CSPG4: variants seen among roughly 807,000 people sequenced by gnomAD.
CSPG4 encodes chondroitin sulfate proteoglycan 4 (melanoma-associated).
Under a neutral mutation model 139.3 loss-of-function variants are expected in CSPG4, and 74 were observed. The ratio of observed to expected loss-of-function variants is 0.53; its 90% CI spans 0.44 to 0.64. CSPG4 has a LOEUF of 0.64. CSPG4 is among the 30% of genes least tolerant of loss of function. CSPG4 has a pLI of 0.00. For synonymous variants in CSPG4, 1,234 were observed against 1,394.2 expected (o/e 0.89, Z 2.56); for missense variants, 2,565 against 3,148.3 (o/e 0.81, Z 4.43).
intron 1 of CSPG4, among the ~76,000 whole-genome samples, chr15:75,708,321 G>C (rs1475631861): frequency 8.7e-6 from 1 of 115,400 alleles, no homozygotes; most frequent in Non-Finnish European, 1.8e-5. Flanking sequence ...TCCCTGATGG[G>C]GCCCACCCCT....
rs557064196 is a variant in CSPG4 at position 75,682,715 on chromosome 15, G to A, written c.4675C>T (p.Arg1559Cys). The A allele has an allele frequency of 1.2e-5, 19 of 1,612,924 alleles. No homozygotes were observed. Among genetic ancestry groups the A allele is most frequent in the East Asian group, 6.7e-5 (3 of 44,890 alleles). Residue 1559 changes from arginine (R) to cysteine (C), a missense_variant, in exon 7 of 10, where the codon CGC (arginine) becomes TGC (cysteine). Coordinates refer to ENST00000308508, the MANE Select transcript of CSPG4 (RefSeq NM_001897.5). ...RGTLDGGFRF[R>C]LSDGEHTSPG... is the part of the protein sequence containing the mutation. ...GAAGTGTGCTCGCCGTCAGAGAGGCGGAAGCGGAAGCCTCCATCCAGGGTT... is the reference window on the plus strand; with the variant it reads ...GAAGTGTGCTCGCCGTCAGAGAGGCAGAAGCGGAAGCCTCCATCCAGGGTT...
chr15:75,685,072 T>TA (rs1185353499), intron 4 of CSPG4, 147 bp downstream of exon 4: 7 of 1,245,054 alleles, frequency 5.6e-6, no homozygotes, highest in Non-Finnish European at 7.9e-6. Context: ...GAAGAAAAGA[T>TA]ATATGGTATT....
intron 1 of CSPG4, among the ~76,000 whole-genome samples, chr15:75,703,521 G>C (rs1894331291): frequency 6.6e-6 from 1 of 152,098 alleles, no homozygotes; most frequent in Non-Finnish European, 1.5e-5. Context: ...AGGGGCTGGA[G>C]ACCCTCCGTT....
At position 75,687,548 on chromosome 15, in the gene CSPG4, G is replaced by A. The variant is rs930788776; in HGVS notation, c.3517C>T (p.Arg1173Cys). Residue 1173 changes from arginine to cysteine, a missense_variant, in exon 3 of 10, where the codon CGC becomes TGC. By Grantham distance (180) the Arg-to-Cys change is radical. Around this residue, in one of 5 missense-constraint regions of CSPG4, gnomAD observed 2,316 missense variants for 2,818.2 expected, o/e 0.82. Transcript: ENST00000308508. This position sits in a 1 kb window ranked among gnomAD's most constrained non-coding sequence, Gnocchi z 5.4. ...EVHYHVTAGP[R>C]WGQLVRAGQP... ...CCAGCCCGGACTAGCTGTCCCCAGC[G>A]AGGGCCAGCTGTGACGTGGTAGTGG... The A allele has an allele frequency of 3.1e-6, 5 of 1,610,946 alleles. No homozygotes were observed. The highest frequency in any genetic ancestry group is 2.2e-5 in the South Asian group (2 of 90,944).
rs1376870325 is a variant in CSPG4 at position 75,685,377 on chromosome 15, T to C, written c.4114A>G (p.Ser1372Gly). ...AQNFSVPEGGSLTLAPPLLRV... is the reference protein window; with the variant it reads ...AQNFSVPEGGGLTLAPPLLRV... ...AGCAGTGGAGGGGCCAGGGTGAGGC[T>C]GCCACCCTCAGGGACGCTGAAGTTT... The change falls in exon 4 of 10, where the codon AGC becomes GGC. Residue 1372 changes from serine (S) to glycine (G), a missense_variant. Around this residue, in one of 5 missense-constraint regions of CSPG4, gnomAD observed 2,316 missense variants for 2,818.2 expected, o/e 0.82. Coordinates refer to ENST00000308508, the MANE Select transcript of CSPG4 (RefSeq NM_001897.5). The C allele has an allele frequency of 6.2e-7, 1 of 1,610,336 alleles. No homozygotes were observed. Among genetic ancestry groups the C allele is most frequent in the Admixed American group, 1.7e-5 (1 of 59,700 alleles).
intron 8 of CSPG4, chr15:75,679,879 T>C (rs1893949117): frequency 1.3e-5 from 2 of 152,178 alleles, no homozygotes; most frequent in African/African-American, 4.8e-5. Flanking sequence ...AGAGATGGGG[T>C]TTCACCATGT....
chr15:75,686,042 C>G (rs904655765), intron 3 of CSPG4, among the ~76,000 whole-genome samples: 3 of 152,216 alleles, frequency 2.0e-5, no homozygotes, highest in Non-Finnish European at 4.4e-5. Flanking sequence ...CATGTGCCAC[C>G]AGGCCCGGCT....
At chr15:75,711,890 G>C (rs1317744256) in intron 1 of CSPG4, among the ~76,000 whole-genome samples, 1 of 151,642 alleles carries the variant, frequency 6.6e-6, no homozygotes, top group Non-Finnish European at 1.5e-5. Flanking sequence ...AGCACTTCTC[G>C]GAAAGCGAAC....
rs138915954 is a variant in CSPG4 at position 75,688,988 on chromosome 15, C to T, written c.2077G>A (p.Val693Met). ...AACAGCACGCTCACATCCTGCCCCA[C>T]GGCATTGGTCTCCACCGACAGGTTG... is the stretch of plus-strand genomic sequence containing the variant. ...PANLSVETNA[V>M]GQDVSVLFRV... The change falls in exon 3 of 10, where the codon GTG becomes ATG. Residue 693 changes from valine (V) to methionine (M), a missense_variant. By Grantham distance (21) the Val-to-Met change is conservative. Coordinates refer to ENST00000308508, the MANE Select transcript of CSPG4 (RefSeq NM_001897.5). 1.7e-4 allele frequency: 269 copies of T among 1,612,386 alleles called. No individual in the cohort carries two copies. Among genetic ancestry groups the T allele is most frequent in the African/African-American group, 2.8e-4 (21 of 75,054 alleles).
rs1410141851 is a variant in CSPG4, at chr15:75,698,254, G to A, written c.89-5021C>T. Among the ~76,000 whole-genome samples, 3 of 151,918 alleles carry A rather than the reference G, an allele frequency of 2.0e-5. No homozygotes were observed. Among genetic ancestry groups the A allele is most frequent in the Non-Finnish European group, 4.4e-5 (3 of 67,954 alleles). On this transcript the variant is annotated intron_variant, in intron 1 of 9. Coordinates refer to ENST00000308508, the MANE Select transcript of CSPG4 (RefSeq NM_001897.5). The surrounding 1 kb of genome is among the most constrained non-coding windows in gnomAD (Gnocchi z 4.3). ...GGAGTCTGAGGGGGCTGTGGGATGG[G>A]GTATTCTGGGAGGGCCAAGGCCGGG...
Position 75,689,477 on chromosome 15 carries a change from T to C in CSPG4, c.1588A>G (p.Met530Val), listed in dbSNP as rs772807469. The C allele has an allele frequency of 7.4e-6, 12 of 1,612,676 alleles. No individual in the cohort carries two copies. Among genetic ancestry groups the C allele is most frequent in the Admixed American group, 3.3e-5 (2 of 60,008 alleles). ...TGGCCCCTCCGAAGGCATGAGGGCA[T>C]GGGCACCCGAGCCGTCACCGACACC... ...LEVSVTARVPMPSCLRRGQTY... is the reference protein window; with the variant it reads ...LEVSVTARVPVPSCLRRGQTY... The change falls in exon 3 of 10, where the codon ATG (methionine) becomes GTG (valine). Residue 530 changes from methionine to valine, a missense_variant. By Grantham distance (21) the Met-to-Val change is conservative. Transcript: ENST00000308508.
chr15:75,712,364 C>T (rs1894457410), intron 1 of CSPG4, among the ~76,000 whole-genome samples: 1 of 152,182 alleles, frequency 6.6e-6, no homozygotes, highest in Admixed American at 6.5e-5. Flanking sequence ...TGGGGTGGCC[C>T]CACTGGTGTC....
Position 75,687,161 on chromosome 15 carries a change from A to G in CSPG4, c.3789+115T>C. ...GAGCACATCTGAGGCACGTGCACAC[A>G]TGTAACCTGGAGCCACCACAGCCAC... is the stretch of plus-strand genomic sequence containing the variant. On this transcript the variant is annotated intron_variant, in intron 3 of 9. Coordinates refer to ENST00000308508, the MANE Select transcript of CSPG4 (RefSeq NM_001897.5). This position sits in a 1 kb window ranked among gnomAD's most constrained non-coding sequence, Gnocchi z 5.4. 7.9e-7 allele frequency: 1 copy of G among 1,266,496 alleles called. No homozygotes were observed. Among genetic ancestry groups the G allele is most frequent in the Non-Finnish European group, 1.1e-6 (1 of 887,892 alleles). 78.5% of individuals were successfully genotyped at this position (1,266,496 alleles called of 1,614,324 possible). A position where few individuals can be genotyped will look rare whatever the true frequency, so the allele number is the denominator to read the frequency against.
chr15:75,677,683 C>A lies in CSPG4; in HGVS notation c.5134+20G>T. On this transcript the variant is annotated intron_variant, in intron 9 of 9. Transcript: ENST00000308508. ...CCATTGTCCCTCCCCACAATCTTGCCAGCTTATCATGCTGTTCACCTTTGT... is the reference window on the plus strand; with the variant it reads ...CCATTGTCCCTCCCCACAATCTTGCAAGCTTATCATGCTGTTCACCTTTGT... The A allele has an allele frequency of 6.3e-7, 1 of 1,574,882 alleles. No individual in the cohort carries two copies. The highest frequency in any genetic ancestry group is 8.6e-7 in the Non-Finnish European group (1 of 1,161,024).
At position 75,698,512 on chromosome 15, in the gene CSPG4, C is replaced by T. The variant is rs577686556; in HGVS notation, c.89-5279G>A. The stretch of plus-strand genomic sequence containing the variant: ...CGATTTTACTTCCGCCACCAATCTA[C>T]TTCCAACCAAGCAGGCAGGGCATGG... On this transcript the variant is annotated intron_variant, in intron 1 of 9. Transcript: ENST00000308508. The surrounding 1 kb of genome is among the most constrained non-coding windows in gnomAD (Gnocchi z 4.3). Among the ~76,000 whole-genome samples the T allele has an allele frequency of 4.1e-4, 63 of 151,988 alleles. No homozygotes were observed. The highest frequency in any genetic ancestry group is 1.5e-3 in the African/African-American group (61 of 41,360).
chr15:75,684,545 C>A (rs1894024762), intron 5 of CSPG4, among the ~76,000 whole-genome samples, 191 bp downstream of exon 5: 1 of 152,254 alleles, frequency 6.6e-6, no homozygotes, highest in Non-Finnish European at 1.5e-5. Flanking sequence ...AAAAAAACTT[C>A]CCACCTGTGT....
chr15:75,676,468 G>T lies in CSPG4; in HGVS notation c.6051C>A (p.Phe2017Leu). 1.2e-6 allele frequency: 2 copies of T among 1,614,022 alleles called. No individual in the cohort carries two copies. The highest frequency in any genetic ancestry group is 1.7e-6 in the Non-Finnish European group (2 of 1,180,028). ...QGEVVFAFTN[F>L]SSSHDHFRVL... Reference sequence around the variant, plus strand: ...CTCTGAAGTGGTCATGAGAGGAGGAGAAGTTGGTGAAGGCAAAGACCACCT... The same window carrying T: ...CTCTGAAGTGGTCATGAGAGGAGGATAAGTTGGTGAAGGCAAAGACCACCT... The change falls in exon 10 of 10, where the codon TTC (phenylalanine) becomes TTA (leucine). Residue 2017 changes from phenylalanine to leucine, a missense_variant. This residue lies in a region of CSPG4 where 2,316 missense variants were observed against 2,818.2 expected (regional missense o/e 0.82). Coordinates refer to ENST00000308508, the MANE Select transcript of CSPG4 (RefSeq NM_001897.5).
chr15:75,689,765 T>C lies in CSPG4; in HGVS notation c.1300A>G (p.Ile434Val), dbSNP rs1894132800. ...VFANFTQLLT[I>V]SPLVVAEGGT... is the part of the protein sequence containing the mutation. The stretch of plus-strand genomic sequence containing the variant: ...CCCTCGGCCACCACCAGTGGGCTGA[T>C]AGTCAGCAGCTGGGTGAAATTGGCA... Residue 434 changes from isoleucine to valine, a missense_variant, in exon 3 of 10, where the codon ATC becomes GTC. Physicochemically the swap from Ile to Val is conservative, Grantham distance 29 (BLOSUM62 3). Transcript: ENST00000308508. 1.2e-6 allele frequency: 2 copies of C among 1,612,610 alleles called. No homozygotes were observed. Among genetic ancestry groups the C allele is most frequent in the Non-Finnish European group, 1.7e-6 (2 of 1,179,658 alleles).
chr15:75,692,231 G>A (rs1202471250), intron 2 of CSPG4, among the ~76,000 whole-genome samples: 3 of 152,108 alleles, frequency 2.0e-5, no homozygotes, highest in African/African-American at 7.2e-5. Flanking sequence ...TGATCCACCC[G>A]CCTCAGCCTC....
Sources: allele counts gnomAD v4.1 joint callset (sites outside exome capture counted in the v4.1 genomes callset), GRCh38; gene constraint gnomAD v4.1.1; regional missense constraint gnomAD v4.1.1; non-coding constraint Gnocchi (gnomAD v3.1); transcripts MANE v1.5; gene names NCBI Gene and HGNC (gene_info 2026-07-23, HGNC 2026-07-21).